Variants in MBD5 observed in about 807,000 individuals in gnomAD.
MBD5 encodes methyl-CpG binding domain protein 5, also known as methyl-CpG-binding domain protein 5.
In MBD5, 13 loss-of-function variants were observed where a neutral mutation model predicts 117.3. That is an observed-to-expected ratio of 0.11 (90% confidence interval 0.07 to 0.18). MBD5 has a LOEUF of 0.18. Among genes scored for constraint, MBD5 ranks in the 10% least tolerant of loss-of-function variants. The pLI is 1.00. For missense variants in MBD5, 1,879 were observed against 2,093.8 expected, an observed-to-expected ratio of 0.90 and a Z score of 2.00; for synonymous variants, 727 against 766.4, an observed-to-expected ratio of 0.95 and a Z score of 0.85.
chr2:148,031,545 C>T (rs1378082091), intron 1 of MBD5, among the ~76,000 whole-genome samples: 1 of 151,998 alleles, frequency 6.6e-6, no homozygotes, highest in Non-Finnish European at 1.5e-5. Flanking sequence ...TCAGAGTAGC[C>T]TGGTAAATTA....
At chr2:148,297,559 CT>C (rs1701684149) in intron 3 of MBD5, among the ~76,000 whole-genome samples, 3 of 152,164 alleles carry the variant, frequency 2.0e-5, no homozygotes, top group Non-Finnish European at 4.4e-5. Context: ...AGGGAACAAA[CT>C]GCTGTAGTCT....
At chr2:148,379,993 G>A (rs1260016564) in intron 4 of MBD5, among the ~76,000 whole-genome samples, 1 of 152,124 alleles carries the variant, frequency 6.6e-6, no homozygotes, top group Non-Finnish European at 1.5e-5. Context: ...AAGAACATTA[G>A]CAATTGCTGA....
At chr2:148,214,868 A>T (rs1699513230) in intron 2 of MBD5, among the ~76,000 whole-genome samples, 2 of 152,156 alleles carry the variant, frequency 1.3e-5, no homozygotes, top group African/African-American at 4.8e-5. Context: ...CCATTTTCTC[A>T]CCTGCCCATC....
At chr2:148,134,507 C>T (rs1697128605) in intron 1 of MBD5, among the ~76,000 whole-genome samples, 1 of 152,144 alleles carries the variant, frequency 6.6e-6, no homozygotes, top group Non-Finnish European at 1.5e-5. Flanking sequence ...ATGTATTTCT[C>T]CACAGTCATC....
chr2:148,026,651 T>C (rs188436866), intron 1 of MBD5: 3 of 152,320 alleles, frequency 2.0e-5, no homozygotes, highest in East Asian at 1.9e-4. Context: ...TCAGGTGGAA[T>C]AGCTCAAGCC....
chr2:148,322,571 C>T (rs988875349), intron 3 of MBD5, among the ~76,000 whole-genome samples: 1 of 152,132 alleles, frequency 6.6e-6, no homozygotes, highest in African/African-American at 2.4e-5. Context: ...AAGGAGACAA[C>T]ACACAAGACT....
chr2:148,169,690 C>T (rs1416985029), intron 1 of MBD5, among the ~76,000 whole-genome samples: 2 of 152,148 alleles, frequency 1.3e-5, no homozygotes, highest in Non-Finnish European at 2.9e-5. Context: ...ACTGTTAATA[C>T]TCTGAATAGC....
chr2:148,148,955 A>G (rs1420031224), intron 1 of MBD5, among the ~76,000 whole-genome samples: 1 of 152,148 alleles, frequency 6.6e-6, no homozygotes, highest in Non-Finnish European at 1.5e-5. Flanking sequence ...ATTTTTAATT[A>G]TACTTTAAGT....
chr2:148,457,089 G>C (rs1323688687), intron 4 of MBD5, among the ~76,000 whole-genome samples: 1 of 152,080 alleles, frequency 6.6e-6, no homozygotes, highest in Non-Finnish European at 1.5e-5. Flanking sequence ...TAATACATTA[G>C]CTTCTTCACT....
At chr2:148,331,042 C>G (rs558440593) in intron 3 of MBD5, among the ~76,000 whole-genome samples, 1 of 152,242 alleles carries the variant, frequency 6.6e-6, no homozygotes, top group Non-Finnish European at 1.5e-5. Flanking sequence ...CTGTTTTTGT[C>G]ATGGTTACCA....
At chr2:148,463,683 C>G (rs1707169303) in intron 6 of MBD5, 56 bp from the exon 7 acceptor site, 2 of 1,587,546 alleles carry the variant, frequency 1.3e-6, no homozygotes, top group Non-Finnish European at 1.7e-6. Context: ...ACAAAGGGAT[C>G]TTTTTATTAA....
chr2:148,186,951 T>C (rs1698676110), intron 2 of MBD5, among the ~76,000 whole-genome samples: 1 of 152,178 alleles, frequency 6.6e-6, no homozygotes, highest in African/African-American at 2.4e-5. Flanking sequence ...AGAAAATATA[T>C]TTTTTAGCTC....
intron 7 of MBD5, among the ~76,000 whole-genome samples, chr2:148,466,521 G>A (rs138450215): frequency 6.6e-6 from 1 of 152,198 alleles, no homozygotes; most frequent in Non-Finnish European, 1.5e-5. Flanking sequence ...ATGCAAGTAG[G>A]TTGTTTTGTC....
intron 4 of MBD5, among the ~76,000 whole-genome samples, chr2:148,389,679 A>T (rs1704505853): frequency 6.6e-6 from 1 of 151,928 alleles, no homozygotes; most frequent in Non-Finnish European, 1.5e-5. Flanking sequence ...CTCCCTGATG[A>T]TTAGTGATGT....
intron 4 of MBD5, among the ~76,000 whole-genome samples, chr2:148,384,243 G>C (rs1263650893): frequency 2.6e-5 from 4 of 152,298 alleles, no homozygotes; most frequent in Admixed American, 1.3e-4. Context: ...TCCTTAAGCT[G>C]ATAAGCAAAT....
At chr2:148,427,050 A>G (rs1394175733) in intron 4 of MBD5, among the ~76,000 whole-genome samples, 2 of 152,198 alleles carry the variant, frequency 1.3e-5, no homozygotes, top group African/African-American at 4.8e-5. Flanking sequence ...CACATGAAAA[A>G]ATACTCATCA....
chr2:148,222,109 T>C (rs1249358468), intron 2 of MBD5, among the ~76,000 whole-genome samples: 1 of 152,160 alleles, frequency 6.6e-6, no homozygotes, highest in East Asian at 1.9e-4. Flanking sequence ...TTCTGTTCCG[T>C]TGGTCTACAT....
At chr2:148,188,224 C>T (rs1437799710) in intron 2 of MBD5, among the ~76,000 whole-genome samples, 1 of 152,160 alleles carries the variant, frequency 6.6e-6, no homozygotes, top group African/African-American at 2.4e-5. Flanking sequence ...TAGTCCCAGA[C>T]ATTTCAGATA....
chr2:148,502,013 G>C (rs1447827401), intron 11 of MBD5, among the ~76,000 whole-genome samples: 1 of 152,162 alleles, frequency 6.6e-6, no homozygotes, highest in Non-Finnish European at 1.5e-5. Flanking sequence ...TTCAAACTTT[G>C]ATCTGTTGGC....
Sources: gnomAD v4.1 joint callset for allele counts (sites outside exome capture counted in the v4.1 genomes callset) on GRCh38, gnomAD v4.1.1 for gene constraint, MANE v1.5 for transcripts, NCBI Gene and HGNC (gene_info 2026-07-23, HGNC 2026-07-21) for gene names.